Variants in CHST10 observed in about 807,000 individuals in gnomAD.
The protein encoded by CHST10 is carbohydrate sulfotransferase 10, also known as HNK-1 sulfotransferase.
A neutral mutation model predicts 34.7 loss-of-function variants in CHST10; 24 were observed. The ratio of observed to expected loss-of-function variants is 0.69; its 90% CI spans 0.50 to 0.97. The LOEUF is 0.97. CHST10 is among the 50% of genes least tolerant of loss of function. CHST10 has a pLI of 0.00. For missense variants in CHST10, 402 were observed against 452.1 expected (o/e 0.89, Z 1.00); for synonymous variants, 161 against 169.3 (o/e 0.95, Z 0.38).
intron 4 of CHST10, among the ~76,000 whole-genome samples, chr2:100,400,283 A>T (rs1675279434): frequency 6.6e-6 from 1 of 152,256 alleles, no homozygotes; most frequent in Admixed American, 6.5e-5. Flanking sequence ...TCTGTCACCC[A>T]GGCTGGAGTG....
Position 100,417,540 on chromosome 2 carries a change from C to T in CHST10, c.-270G>A, listed in dbSNP as rs548161848. 2 of 152,000 alleles carry T rather than the reference C, an allele frequency of 1.3e-5. No homozygotes were observed. The highest frequency in any genetic ancestry group is 1.3e-4 in the Admixed American group (2 of 15,252). 9.4% of individuals were successfully genotyped at this position (152,000 alleles called of 1,614,324 possible). On this transcript the variant is annotated 5_prime_UTR_variant, in exon 1 of 7. Coordinates refer to ENST00000264249, the MANE Select transcript of CHST10 (RefSeq NM_004854.5). Reference sequence around the variant, plus strand: ...GCCTCCGCGCCGCGGCCCGTCGGGTCCCGGGATGTGGCGGCGGCGGCAGCG... The same window carrying T: ...GCCTCCGCGCCGCGGCCCGTCGGGTTCCGGGATGTGGCGGCGGCGGCAGCG...
intron 2 of CHST10, among the ~76,000 whole-genome samples, chr2:100,410,332 T>A (rs1345074885): frequency 6.6e-6 from 1 of 152,358 alleles, no homozygotes; most frequent in African/African-American, 2.4e-5. Flanking sequence ...AGCACCGCTC[T>A]GCGCCACCTG....
intron 4 of CHST10, among the ~76,000 whole-genome samples, chr2:100,401,513 C>T (rs1675341123): frequency 6.6e-6 from 1 of 152,102 alleles, no homozygotes; most frequent in Non-Finnish European, 1.5e-5. Flanking sequence ...CGACACTTTG[C>T]CAAAGGCTTA....
intron 2 of CHST10, among the ~76,000 whole-genome samples, chr2:100,407,384 A>G (rs966456760): frequency 3.3e-5 from 5 of 152,130 alleles, no homozygotes; most frequent in African/African-American, 4.8e-5. Flanking sequence ...GGAGGCACAT[A>G]AAGAACTGGG....
In CHST10 at chr2:100,393,168, G is replaced by A. The variant is rs1373449673; in HGVS notation, c.*77C>T. 6.7e-7 allele frequency: 1 copy of A among 1,493,086 alleles called. No individual in the cohort carries two copies. Among genetic ancestry groups the A allele is most frequent in the Admixed American group, 1.8e-5 (1 of 54,414 alleles). 92.5% of individuals were successfully genotyped at this position (1,493,086 alleles called of 1,614,324 possible). A position where few individuals can be genotyped will look rare whatever the true frequency, so the allele number is the denominator to read the frequency against. On this transcript the variant is annotated 3_prime_UTR_variant, in exon 7 of 7. Coordinates refer to ENST00000264249, the MANE Select transcript of CHST10 (RefSeq NM_004854.5). ...CAAAGGAGGGGTGTGGTGGAGGAAGGGTCATTTCTGGGCTCAGATCTTCAC... is the reference window on the plus strand; with the variant it reads ...CAAAGGAGGGGTGTGGTGGAGGAAGAGTCATTTCTGGGCTCAGATCTTCAC...
At chr2:100,393,897 C>A (rs115285426) in intron 6 of CHST10, 115 bp from the exon 7 acceptor site, 2 of 774,476 alleles carry the variant, frequency 2.6e-6, no homozygotes, top group African/African-American at 1.7e-5. Flanking sequence ...CCTCACGTGC[C>A]GAGGCTGCCA....
At chr2:100,402,711 T>C in intron 3 of CHST10, 56 bp from the exon 4 acceptor site, 3 of 1,486,314 alleles carry the variant, frequency 2.0e-6, no homozygotes, top group African/African-American at 1.4e-5. Flanking sequence ...CACAGGTGGA[T>C]GGGACAGAAC....
chr2:100,412,802 G>A (rs1028142836), intron 2 of CHST10, among the ~76,000 whole-genome samples: 2 of 152,158 alleles, frequency 1.3e-5, no homozygotes, highest in Non-Finnish European at 1.5e-5. Context: ...GCTAAAAGAG[G>A]TTTAATTAGA....
chr2:100,412,193 G>A (rs1675872124), intron 2 of CHST10, among the ~76,000 whole-genome samples: 1 of 152,196 alleles, frequency 6.6e-6, no homozygotes, highest in Admixed American at 6.5e-5. Flanking sequence ...TTCATTCATG[G>A]AGGAGGGAGA....
intron 2 of CHST10, among the ~76,000 whole-genome samples, chr2:100,412,659 C>T (rs1675894147): frequency 6.6e-6 from 1 of 152,188 alleles, no homozygotes; most frequent in Admixed American, 6.5e-5. Flanking sequence ...AAAATGCAGA[C>T]TCTAGGCATT....
At chr2:100,405,507 C>T (rs1019556148) in intron 3 of CHST10, among the ~76,000 whole-genome samples, 1 of 152,114 alleles carries the variant, frequency 6.6e-6, no homozygotes, top group East Asian at 1.9e-4. Flanking sequence ...TGTAGGACAT[C>T]GGGCAGTCCT....
In CHST10 at chr2:100,393,771, T is replaced by A. The variant is rs546199705; in HGVS notation, c.545A>T (p.Tyr182Phe). ...DAEIQKRLKTYFKFFIVRDPF... is the reference protein window; with the variant it reads ...DAEIQKRLKTFFKFFIVRDPF... ...ATCTCTTACAATAAAAAACTTGAAG[T>A]ATGTTTTCAATCTAAGGAAAAAAAC... The change falls in exon 7 of 7, where the codon TAC (tyrosine) becomes TTC (phenylalanine). Residue 182 changes from tyrosine (Y) to phenylalanine (F), a missense_variant. By Grantham distance (22) the Tyr-to-Phe change is conservative. Coordinates refer to ENST00000264249, the MANE Select transcript of CHST10 (RefSeq NM_004854.5). 6.2e-7 allele frequency: 1 copy of A among 1,606,756 alleles called. No individual in the cohort carries two copies. The highest frequency in any genetic ancestry group is 2.2e-5 in the East Asian group (1 of 44,838).
intron 2 of CHST10, among the ~76,000 whole-genome samples, chr2:100,413,722 C>T (rs1675942894): frequency 6.6e-6 from 1 of 152,192 alleles, no homozygotes; most frequent in Non-Finnish European, 1.5e-5. Flanking sequence ...CCGCCAGCAG[C>T]TTTTCCCCAT....
At chr2:100,399,197 G>A (rs1033187125) in intron 4 of CHST10, among the ~76,000 whole-genome samples, 2 of 151,902 alleles carry the variant, frequency 1.3e-5, no homozygotes, top group African/African-American at 2.4e-5. Flanking sequence ...TCCGCCTCCC[G>A]GGTTCCCGCC....
intron 2 of CHST10, among the ~76,000 whole-genome samples, chr2:100,412,801 G>T (rs997996212): frequency 3.9e-5 from 6 of 152,134 alleles, no homozygotes; most frequent in African/African-American, 1.4e-4. Context: ...AGCTAAAAGA[G>T]GTTTAATTAG....
At chr2:100,417,261 G>A (rs1041328727) in intron 1 of CHST10, 113 bp downstream of exon 1, 3 of 361,528 alleles carry the variant, frequency 8.3e-6, no homozygotes, top group African/African-American at 6.4e-5. Flanking sequence ...AACACACCGG[G>A]ATGTGGCTCG....
intron 6 of CHST10, 68 bp from the exon 7 acceptor site, chr2:100,393,850 G>A (rs1346167216): frequency 7.5e-7 from 1 of 1,335,582 alleles, no homozygotes; most frequent in African/African-American, 1.4e-5. Flanking sequence ...GGGCGGGAGA[G>A]GGAAGAATGA....
At chr2:100,405,354 C>T (rs906846615) in intron 3 of CHST10, among the ~76,000 whole-genome samples, 3 of 152,296 alleles carry the variant, frequency 2.0e-5, no homozygotes, top group Admixed American at 1.3e-4. Flanking sequence ...GTGATGACAG[C>T]CAATCAGGGC....
At chr2:100,411,300 T>C (rs570112962) in intron 2 of CHST10, among the ~76,000 whole-genome samples, 51 of 152,124 alleles carry the variant, frequency 3.4e-4, no homozygotes, top group African/African-American at 5.5e-4. Context: ...TTAGTAGAGA[T>C]GGGGTTTCAC....
Sources: allele counts gnomAD v4.1 joint callset (sites outside exome capture counted in the v4.1 genomes callset), GRCh38; gene constraint gnomAD v4.1.1; transcripts MANE v1.5; gene names NCBI Gene and HGNC (gene_info 2026-07-23, HGNC 2026-07-21).